Variants in FARS2 observed in about 807,000 individuals in gnomAD.
The protein encoded by FARS2 is phenylalanine--tRNA ligase, mitochondrial.
FARS2 carries 40 observed loss-of-function variants against 46.4 expected under a neutral mutation model. That is an observed-to-expected ratio of 0.86 (90% confidence interval 0.67 to 1.12). The LOEUF is 1.12. Ranked by LOEUF, FARS2 falls within the 50% of genes most tolerant of loss-of-function variation. The pLI is 0.00. For synonymous variants in FARS2, 234 were observed against 214.9 expected (o/e 1.09, Z -0.78); for missense variants, 513 against 567.9 (o/e 0.90, Z 0.98).
At chr6:5,614,135 G>A (rs1026338883) in intron 6 of FARS2, among the ~76,000 whole-genome samples, 1 of 152,110 alleles carries the variant, frequency 6.6e-6, no homozygotes, top group Non-Finnish European at 1.5e-5. Flanking sequence ...TCTCAGACTT[G>A]GAATTTTACC....
chr6:5,413,381 A>G (rs1207850455), intron 3 of FARS2, among the ~76,000 whole-genome samples: 1 of 152,182 alleles, frequency 6.6e-6, no homozygotes, highest in African/African-American at 2.4e-5. Flanking sequence ...GGCTGCTGTA[A>G]TGAAAACCAT....
At chr6:5,314,956 T>C (rs1296023397) in intron 1 of FARS2, among the ~76,000 whole-genome samples, 1 of 152,252 alleles carries the variant, frequency 6.6e-6, no homozygotes, top group Non-Finnish European at 1.5e-5. Flanking sequence ...AGTTCAGTTG[T>C]GTTCTCTCTT....
intron 4 of FARS2, among the ~76,000 whole-genome samples, chr6:5,507,006 A>G (rs1768141487): frequency 6.6e-6 from 1 of 152,164 alleles, no homozygotes. Context: ...CCAGTTTTGC[A>G]CATTTGAGTG....
At chr6:5,643,198 G>A (rs1051527000) in intron 6 of FARS2, among the ~76,000 whole-genome samples, 2 of 152,170 alleles carry the variant, frequency 1.3e-5, no homozygotes, top group African/African-American at 4.8e-5. Flanking sequence ...TCAGGAGGAG[G>A]GAGCAAATGT....
chr6:5,301,821 A>ACG (rs1462194897), intron 1 of FARS2, among the ~76,000 whole-genome samples: 1 of 151,192 alleles, frequency 6.6e-6, no homozygotes, highest in Non-Finnish European at 1.5e-5. Flanking sequence ...ACACACACAC[A>ACG]CACACACACA....
chr6:5,352,394 T>C (rs539607902), intron 1 of FARS2, among the ~76,000 whole-genome samples: 2 of 152,198 alleles, frequency 1.3e-5, no homozygotes, highest in Admixed American at 1.3e-4. Context: ...TAACTTGAAG[T>C]ACGTCATGCC....
chr6:5,381,406 T>TACACACACAC (rs773053847), intron 2 of FARS2, among the ~76,000 whole-genome samples: 2 of 115,320 alleles, frequency 1.7e-5, no homozygotes, highest in Admixed American at 8.4e-5. Context: ...CACACACACA[T>TACACACACAC]ACACACACAC....
chr6:5,689,854 A>G (rs553933840), intron 6 of FARS2, among the ~76,000 whole-genome samples: 27 of 152,202 alleles, frequency 1.8e-4, no homozygotes, highest in Admixed American at 4.6e-4. Context: ...GTAGGTCTCT[A>G]AGGACTTGCT....
chr6:5,701,921 T>C (rs1758465121), intron 6 of FARS2, among the ~76,000 whole-genome samples: 1 of 152,228 alleles, frequency 6.6e-6, no homozygotes, highest in Non-Finnish European at 1.5e-5. Context: ...TTAAAATAGA[T>C]CTCGGCAGCA....
chr6:5,279,225 A>C (rs891365359), intron 1 of FARS2, among the ~76,000 whole-genome samples: 1 of 151,744 alleles, frequency 6.6e-6, no homozygotes, highest in Non-Finnish European at 1.5e-5. Context: ...AAAATACAAA[A>C]AATTAGCCGG....
intron 4 of FARS2, among the ~76,000 whole-genome samples, chr6:5,440,526 TC>T (rs1763782298): frequency 6.6e-6 from 1 of 152,192 alleles, no homozygotes; most frequent in African/African-American, 2.4e-5. Flanking sequence ...ACTGGTTTTT[TC>T]CTCCCTAGGT....
chr6:5,583,124 C>T (rs1159503312), intron 5 of FARS2, among the ~76,000 whole-genome samples: 2 of 152,228 alleles, frequency 1.3e-5, no homozygotes, highest in African/African-American at 4.8e-5. Flanking sequence ...GTGTCCAATA[C>T]ATAATTCTCA....
At chr6:5,691,415 C>T (rs554272085) in intron 6 of FARS2, among the ~76,000 whole-genome samples, 2 of 152,318 alleles carry the variant, frequency 1.3e-5, no homozygotes, top group East Asian at 3.9e-4. Context: ...ACAGTCAGGA[C>T]CCTCAGCTAT....
chr6:5,470,212 A>G (rs1392035006), intron 4 of FARS2, among the ~76,000 whole-genome samples: 3 of 152,206 alleles, frequency 2.0e-5, no homozygotes, highest in Non-Finnish European at 4.4e-5. Flanking sequence ...AGTGTGGATC[A>G]AAAATATTCA....
At chr6:5,453,261 G>A (rs1356825734) in intron 4 of FARS2, among the ~76,000 whole-genome samples, 1 of 152,140 alleles carries the variant, frequency 6.6e-6, no homozygotes, top group African/African-American at 2.4e-5. Flanking sequence ...GGGAAAATAA[G>A]AATATGAAAA....
At chr6:5,260,878 G>A (rs2127792477), upstream of FARS2, 1 of 1,442,898 alleles carries the variant, frequency 6.9e-7, no homozygotes, top group East Asian at 2.6e-5. Flanking sequence ...CTAAGCCTAA[G>A]CGGGCAGCCC....
At chr6:5,423,173 G>A (rs188598639) in intron 3 of FARS2, among the ~76,000 whole-genome samples, 167 of 152,102 alleles carry the variant, frequency 1.1e-3, no homozygotes, top group African/African-American at 3.9e-3. Context: ...AGTTTCCTTC[G>A]AGAACAGGTT....
chr6:5,517,526 C>T (rs904908626), intron 4 of FARS2, among the ~76,000 whole-genome samples: 2 of 151,682 alleles, frequency 1.3e-5, no homozygotes, highest in Non-Finnish European at 2.9e-5. Flanking sequence ...GCAGGAGAAT[C>T]GCTTGAACCT....
chr6:5,444,541 A>T (rs656078), intron 4 of FARS2, among the ~76,000 whole-genome samples: 125,075 of 147,258 alleles, frequency 0.85, 53,355 homozygotes, highest in East Asian at 0.97. Context: ...CAGGTGTCTG[A>T]ATTTAATTAG....
Sources: allele counts gnomAD v4.1 joint callset (sites outside exome capture counted in the v4.1 genomes callset), GRCh38; gene constraint gnomAD v4.1.1; transcripts MANE v1.5; gene names NCBI Gene and HGNC (gene_info 2026-07-23, HGNC 2026-07-21).